PELI1: variants seen among roughly 807,000 people sequenced by gnomAD.
PELI1 encodes E3 ubiquitin-protein ligase pellino homolog 1.
In PELI1, 15 loss-of-function variants were observed where a neutral mutation model predicts 41.3. The ratio of observed to expected loss-of-function variants is 0.36; its 90% CI spans 0.24 to 0.56. PELI1 has a LOEUF of 0.56. PELI1 is among the 20% of genes least tolerant of loss of function. The pLI is 0.82. For missense variants in PELI1, 403 were observed against 525.5 expected (o/e 0.77, Z 2.28); for synonymous variants, 178 against 180.1 (o/e 0.99, Z 0.09).
intron 4 of PELI1, among the ~76,000 whole-genome samples, chr2:64,098,542 C>G (rs1680318437): frequency 6.6e-6 from 1 of 152,174 alleles, no homozygotes; most frequent in Non-Finnish European, 1.5e-5. Context: ...ATAAAAAGAT[C>G]TACATGAAAA....
At chr2:64,105,788 G>A (rs899383302) in intron 2 of PELI1, among the ~76,000 whole-genome samples, 7 of 152,082 alleles carry the variant, frequency 4.6e-5, no homozygotes, top group African/African-American at 9.7e-5. Context: ...CTCATTCACC[G>A]TCCACCTCCC....
At chr2:64,139,125 T>C (rs181412989) in intron 1 of PELI1, among the ~76,000 whole-genome samples, 11 of 152,280 alleles carry the variant, frequency 7.2e-5, no homozygotes, top group South Asian at 6.2e-4. Context: ...AGTCTAAATT[T>C]CCCCAATTTT....
intron 1 of PELI1, among the ~76,000 whole-genome samples, chr2:64,110,126 C>T (rs527576145): frequency 6.6e-6 from 1 of 151,692 alleles, no homozygotes; most frequent in Non-Finnish European, 1.5e-5. Flanking sequence ...GCCTTGTAGT[C>T]CTAGCTACTT....
chr2:64,140,817 A>AAAAAC (rs1681889411), intron 1 of PELI1, among the ~76,000 whole-genome samples: 1 of 148,468 alleles, frequency 6.7e-6, no homozygotes, highest in African/African-American at 2.5e-5. Context: ...ACAAAAAAAA[A>AAAAAC]CCTAGGGGCA....
At chr2:64,101,396 C>A (rs1680427570) in intron 3 of PELI1, among the ~76,000 whole-genome samples, 1 of 151,504 alleles carries the variant, frequency 6.6e-6, no homozygotes, top group Non-Finnish European at 1.5e-5. Context: ...GGATGTAATG[C>A]TTATGACTGT....
rs150389751 is a variant in PELI1, at chr2:64,094,861, C to T, written c.1098G>A (p.Pro366=). The stretch of plus-strand genomic sequence containing the variant: ...TCTTTTCTGAACACACATGCCCACA[C>T]GGGCTAAACGCATGGGTTGGAGGGC... ...DAGPPTHAFS[P]CGHVCSEKTT... The change falls in exon 7 of 7, where the codon CCG becomes CCA. Residue 366 remains proline (P), a synonymous_variant. Transcript: ENST00000358912. 3.0e-5 allele frequency: 49 copies of T among 1,614,142 alleles called. No individual in the cohort carries two copies. Among genetic ancestry groups the T allele is most frequent in the Admixed American group, 2.5e-4 (15 of 60,010 alleles).
chr2:64,112,998 C>T (rs1680855347), intron 1 of PELI1, among the ~76,000 whole-genome samples: 1 of 152,030 alleles, frequency 6.6e-6, no homozygotes, highest in South Asian at 2.1e-4. Context: ...AATTCCTAGG[C>T]TGGGCATGGT....
intron 1 of PELI1, among the ~76,000 whole-genome samples, 159 bp from the exon 2 acceptor site, chr2:64,108,538 A>C (rs1415775522): frequency 6.6e-6 from 1 of 152,258 alleles, no homozygotes; most frequent in African/African-American, 2.4e-5. Flanking sequence ...TATATATTTT[A>C]CAAAACTGTT....
At chr2:64,138,070 G>A (rs753852818) in intron 1 of PELI1, among the ~76,000 whole-genome samples, 2 of 151,868 alleles carry the variant, frequency 1.3e-5, no homozygotes, top group Non-Finnish European at 1.5e-5. Flanking sequence ...ATGTACTCAC[G>A]CTCACCCTGA....
chr2:64,110,497 TTAAC>T (rs1271205840), intron 1 of PELI1, among the ~76,000 whole-genome samples: 1 of 151,986 alleles, frequency 6.6e-6, no homozygotes, highest in Non-Finnish European at 1.5e-5. Context: ...CTAGAGGAAA[TTAAC>T]TAAACAGAAA....
intron 1 of PELI1, among the ~76,000 whole-genome samples, chr2:64,131,718 T>C (rs1681563760): frequency 6.6e-6 from 1 of 152,008 alleles, no homozygotes; most frequent in Non-Finnish European, 1.5e-5. Flanking sequence ...CCTCCCAGGT[T>C]CAAGCAATTC....
At position 64,142,149 on chromosome 2, in the gene PELI1, C is replaced by T. The variant is rs372283997; in HGVS notation, c.-70+1932G>A. On this transcript the variant is annotated intron_variant, in intron 1 of 6. Transcript: ENST00000358912. ...TAGGTGATAGTTTCCTCTTTAAAAC[C>T]TGTACATTCACTACATGAGACACTA... is the stretch of plus-strand genomic sequence containing the variant. Among the ~76,000 whole-genome samples, 22 of 152,216 alleles carry T rather than the reference C, an allele frequency of 1.4e-4. No homozygotes were observed. In the East Asian group the frequency reaches 1.7e-3, roughly 12 times the overall value.
intron 1 of PELI1, among the ~76,000 whole-genome samples, chr2:64,113,360 A>T (rs1221977453): frequency 6.6e-6 from 1 of 152,128 alleles, no homozygotes; most frequent in Non-Finnish European, 1.5e-5. Flanking sequence ...GTATGTACAT[A>T]AAAAACATCC....
intron 1 of PELI1, among the ~76,000 whole-genome samples, chr2:64,120,718 T>A (rs1258646784): frequency 6.6e-6 from 1 of 152,118 alleles, no homozygotes; most frequent in African/African-American, 2.4e-5. Context: ...GACTGGAGAG[T>A]CAGTAAGTGT....
At chr2:64,123,060 A>G (rs1174758723) in intron 1 of PELI1, among the ~76,000 whole-genome samples, 1 of 152,222 alleles carries the variant, frequency 6.6e-6, no homozygotes, top group Non-Finnish European at 1.5e-5. Context: ...AGGCAATACC[A>G]CAAGCACTAA....
At position 64,144,157 on chromosome 2, in the gene PELI1, G is replaced by C. The variant is rs921292491; in HGVS notation, c.-146C>G. The C allele has an allele frequency of 6.6e-6, 1 of 152,180 alleles. No homozygotes were observed. Among genetic ancestry groups the C allele is most frequent in the African/African-American group, 2.4e-5 (1 of 41,426 alleles). The allele number at this position is 152,180 out of a possible 1,614,324, so 9.4% of individuals were successfully genotyped here. On this transcript the variant is annotated 5_prime_UTR_variant, in exon 1 of 7. Coordinates refer to ENST00000358912, the MANE Select transcript of PELI1 (RefSeq NM_020651.4). ...GAGAGGGTGAAGTGTTGTGCGCGGG[G>C]AGCGCGAGCAGACAGCCCGCCGTTC...
intron 1 of PELI1, among the ~76,000 whole-genome samples, chr2:64,142,661 A>C (rs1681950908): frequency 6.6e-6 from 1 of 152,248 alleles, no homozygotes; most frequent in African/African-American, 2.4e-5. Flanking sequence ...TGTAAATCTT[A>C]TCACTCAGAA....
intron 1 of PELI1, among the ~76,000 whole-genome samples, chr2:64,112,784 C>T (rs1236371080): frequency 2.0e-5 from 3 of 151,928 alleles, no homozygotes; most frequent in Non-Finnish European, 2.9e-5. Context: ...TACAACTGGC[C>T]TTATTAAACT....
At chr2:64,106,006 A>G (rs10175483) in intron 2 of PELI1, among the ~76,000 whole-genome samples, 11,585 of 152,294 alleles carry the variant, frequency 0.076, 640 homozygotes, top group African/African-American at 0.16. Context: ...TAGAAACTAC[A>G]TTGACCCTTT....
Sources: allele counts gnomAD v4.1 joint callset (sites outside exome capture counted in the v4.1 genomes callset), GRCh38; gene constraint gnomAD v4.1.1; transcripts MANE v1.5; gene names NCBI Gene and HGNC (gene_info 2026-07-23, HGNC 2026-07-21).